The following LRGUK variants were observed in gnomAD, a reference collection of about 807,000 sequenced individuals.
The protein encoded by LRGUK is leucine rich repeats and guanylate kinase domain containing.
A neutral mutation model predicts 76.0 loss-of-function variants in LRGUK; 65 were observed. The observed-to-expected ratio is 0.85, with a 90% CI of 0.70 to 1.05. The LOEUF (loss-of-function observed/expected upper bound fraction) is 1.05, where lower values mean the gene tolerates loss of function less well. Among genes scored for constraint, LRGUK ranks in the 50% least tolerant of loss-of-function variants. LRGUK has a pLI of 0.00. For synonymous variants in LRGUK, 268 were observed against 265.6 expected, an observed-to-expected ratio of 1.01 and a Z score of -0.09; for missense variants, 758 against 732.8, an observed-to-expected ratio of 1.03 and a Z score of -0.40.
chr7:134,178,568 T>A (rs765644406), exon 10 of LRGUK: 1 of 1,613,378 alleles, frequency 6.2e-7, no homozygotes, highest in South Asian at 1.1e-5. Context: ...ACCTGACCCA[T>A]GTTGTCAACA....
intron 7 of LRGUK, among the ~76,000 whole-genome samples, chr7:134,174,265 A>G (rs1205553549): frequency 6.6e-6 from 1 of 152,120 alleles, no homozygotes; most frequent in Non-Finnish European, 1.5e-5. Context: ...CTGACTTTGA[A>G]TGCTATTTTA....
At chr7:134,135,911 C>G (rs1797519207) in intron 1 of LRGUK, among the ~76,000 whole-genome samples, 1 of 152,186 alleles carries the variant, frequency 6.6e-6, no homozygotes, top group Non-Finnish European at 1.5e-5. Context: ...CCACCTTGGC[C>G]TCCCAAAGTG....
intron 7 of LRGUK, among the ~76,000 whole-genome samples, chr7:134,173,515 A>T (rs548183494): frequency 5.9e-5 from 9 of 152,340 alleles, no homozygotes; most frequent in Admixed American, 2.6e-4. Flanking sequence ...ATTACAGAAT[A>T]TTTAAGTAAA....
At chr7:134,252,374 A>T (rs534712153) in intron 18 of LRGUK, among the ~76,000 whole-genome samples, 378 of 150,928 alleles carry the variant, frequency 2.5e-3, no homozygotes, top group African/African-American at 8.7e-3. Context: ...AAATTAAATT[A>T]AATTAAAGGG....
At chr7:134,151,131 G>A (rs1444145697) in intron 5 of LRGUK, among the ~76,000 whole-genome samples, 1 of 152,144 alleles carries the variant, frequency 6.6e-6, no homozygotes, top group Admixed American at 6.5e-5. Context: ...GATACAGGTG[G>A]TGAAGTTTTA....
At chr7:134,248,286 C>T (rs1404447070) in intron 17 of LRGUK, among the ~76,000 whole-genome samples, 2 of 152,160 alleles carry the variant, frequency 1.3e-5, no homozygotes, top group Non-Finnish European at 2.9e-5. Flanking sequence ...AGAAACTATG[C>T]AGTTTTAAAT....
At chr7:134,215,480 A>G (rs544191160) in intron 15 of LRGUK, among the ~76,000 whole-genome samples, 2 of 152,114 alleles carry the variant, frequency 1.3e-5, no homozygotes, top group African/African-American at 2.4e-5. Flanking sequence ...GGTTGACATC[A>G]TTTATGCTGA....
At chr7:134,214,775 A>AAC (rs56096728), downstream of LRGUK, among the ~76,000 whole-genome samples, 4,858 of 146,788 alleles carry the variant, frequency 0.033, 99 homozygotes, top group African/African-American at 0.056. Context: ...ATTAAATTTA[A>AAC]ACACACACAC....
intron 15 of LRGUK, among the ~76,000 whole-genome samples, chr7:134,215,667 C>T (rs559880203): frequency 7.2e-4 from 110 of 152,180 alleles, no homozygotes; most frequent in Admixed American, 1.6e-3. Context: ...TGCTCCATGA[C>T]AAGCCCGAAA....
intron 16 of LRGUK, among the ~76,000 whole-genome samples, chr7:134,229,835 A>G (rs1801850489): frequency 6.6e-6 from 1 of 152,178 alleles, no homozygotes; most frequent in Non-Finnish European, 1.5e-5. Flanking sequence ...CATTAATTAG[A>G]TATAAATAGG....
intron 4 of LRGUK, among the ~76,000 whole-genome samples, chr7:134,146,457 A>T (rs968570981): frequency 1.3e-5 from 2 of 152,212 alleles, no homozygotes; most frequent in African/African-American, 4.8e-5. Context: ...ATTATTCTAT[A>T]GAAGAAAAAA....
At chr7:134,234,611 A>T (rs1187789821) in intron 16 of LRGUK, among the ~76,000 whole-genome samples, 1 of 152,070 alleles carries the variant, frequency 6.6e-6, no homozygotes, top group African/African-American at 2.4e-5. Flanking sequence ...CTAAGAATAG[A>T]TTTATTGTCT....
chr7:134,274,457 A>C, the LRGUK span, among the ~76,000 whole-genome samples: 2 of 152,220 alleles, frequency 1.3e-5, no homozygotes, highest in African/African-American at 2.4e-5. Context: ...AAAATCTGTG[A>C]TATAAAATGT....
At chr7:134,168,450 C>T (rs1799090482) in intron 7 of LRGUK, among the ~76,000 whole-genome samples, 2 of 152,126 alleles carry the variant, frequency 1.3e-5, no homozygotes, top group Non-Finnish European at 2.9e-5. Context: ...TCCCTTCTAT[C>T]AAATGCTTGG....
chr7:134,235,554 A>T (rs1244838395), intron 16 of LRGUK, among the ~76,000 whole-genome samples: 1 of 151,916 alleles, frequency 6.6e-6, no homozygotes, highest in Admixed American at 6.6e-5. Context: ...TTCTTTTTTG[A>T]AAAATTCGTA....
intron 1 of LRGUK, among the ~76,000 whole-genome samples, chr7:134,129,257 TCTCC>T (rs1207380267): frequency 1.9e-5 from 2 of 107,754 alleles, no homozygotes; most frequent in East Asian, 3.2e-4. Context: ...TCCCTCTCTC[TCTCC>T]CTCCCTCCCT....
chr7:134,135,795 C>A (rs907909782), intron 1 of LRGUK, among the ~76,000 whole-genome samples: 3 of 152,116 alleles, frequency 2.0e-5, no homozygotes, highest in Admixed American at 6.5e-5. Context: ...AGCTGGGACT[C>A]CAGGCGCCCG....
At chr7:134,231,779 CG>C (rs1292798638) in intron 16 of LRGUK, among the ~76,000 whole-genome samples, 3,790 of 137,480 alleles carry the variant, frequency 0.028, 192 homozygotes, top group East Asian at 0.082. Context: ...TTCCTCCGTC[CG>C]TCCCTCCCTT....
At position 134,239,006 on chromosome 7, in the gene LRGUK, C is replaced by T. The variant is rs144693310; in HGVS notation, c.1984-8550C>T. Among the ~76,000 whole-genome samples, 678 of 152,240 alleles carry T rather than the reference C, an allele frequency of 4.5e-3. 4 individuals are homozygous for T. The highest frequency in any genetic ancestry group is 0.015 in the African/African-American group (619 of 41,536). On this transcript the variant is annotated intron_variant, in intron 16 of 19. Coordinates refer to the LRGUK transcript ENST00000285928. ...CCACTCCCATCACCTTCTCTGAGTG[C>T]GGAGCCTGTCTTAGCAAGGGGCCCC...
Sources: allele counts gnomAD v4.1 joint callset (sites outside exome capture counted in the v4.1 genomes callset), GRCh38; gene constraint gnomAD v4.1.1; transcripts MANE v1.5; gene names NCBI Gene and HGNC (gene_info 2026-07-23, HGNC 2026-07-21).